Variants in TASP1 observed in about 807,000 individuals in gnomAD.
TASP1 encodes taspase 1.
Under a neutral mutation model 56.6 loss-of-function variants are expected in TASP1, and 16 were observed. That is an observed-to-expected ratio of 0.28 (90% CI 0.19 to 0.43). TASP1 has a LOEUF of 0.43. Among genes scored for constraint, TASP1 ranks in the 20% least tolerant of loss-of-function variants. TASP1 has a pLI of 1.00. For synonymous variants in TASP1, 179 were observed against 184.2 expected (o/e 0.97, Z 0.23); for missense variants, 393 against 511.6 (o/e 0.77, Z 2.24).
intron 12 of TASP1, among the ~76,000 whole-genome samples, chr20:13,424,162 GT>G (rs1009422308): frequency 6.6e-6 from 1 of 151,958 alleles, no homozygotes; most frequent in Non-Finnish European, 1.5e-5. Flanking sequence ...ATCATTATAA[GT>G]TTTTTTTAAA....
At chr20:13,352,540 T>A in the TASP1 span, among the ~76,000 whole-genome samples, 1 of 152,196 alleles carries the variant, frequency 6.6e-6, no homozygotes, top group East Asian at 1.9e-4. Flanking sequence ...TCAAGTAAAT[T>A]TATATTCCTT....
At chr20:13,323,476 T>G in the TASP1 span, among the ~76,000 whole-genome samples, 1 of 152,310 alleles carries the variant, frequency 6.6e-6, no homozygotes, top group Admixed American at 6.5e-5. Flanking sequence ...CCTTTCCCAA[T>G]GTAACTTATA....
chr20:13,502,474 T>C (rs1601024945), intron 10 of TASP1, among the ~76,000 whole-genome samples: 1 of 152,242 alleles, frequency 6.6e-6, no homozygotes, highest in Non-Finnish European at 1.5e-5. Flanking sequence ...CTATACAACA[T>C]ATGATACCAT....
At chr20:13,380,888 C>T in the TASP1 span, among the ~76,000 whole-genome samples, 39 of 152,258 alleles carry the variant, frequency 2.6e-4, no homozygotes, top group South Asian at 6.2e-4. Flanking sequence ...AGGGGAAAAC[C>T]GCCTACTCAA....
Position 13,636,806 on chromosome 20 carries a change from C to T in TASP1, c.-75+2088G>A, listed in dbSNP as rs190201672. Among the ~76,000 whole-genome samples, 426 of 152,226 alleles carry T rather than the reference C, an allele frequency of 2.8e-3. 2 individuals carry two copies. Among genetic ancestry groups the T allele is most frequent in the Admixed American group, 4.5e-3 (69 of 15,284 alleles). ...GTCCTTTCATCAAATGATGCTAGAA[C>T]TGGATAGCCACATGCAATAGAATGA... On this transcript the variant is annotated intron_variant, in intron 1 of 13. Transcript: ENST00000337743.
chr20:13,342,849 A>G, the TASP1 span, among the ~76,000 whole-genome samples: 2 of 152,026 alleles, frequency 1.3e-5, no homozygotes, highest in Non-Finnish European at 2.9e-5. Flanking sequence ...TGTGTAGAGG[A>G]TGGGTCCTTA....
At chr20:13,331,785 C>T in the TASP1 span, among the ~76,000 whole-genome samples, 1 of 151,588 alleles carries the variant, frequency 6.6e-6, no homozygotes, top group African/African-American at 2.4e-5. Context: ...ACTTTACTCC[C>T]TTCTTTATTT....
intron 13 of TASP1, among the ~76,000 whole-genome samples, chr20:13,411,927 G>A (rs942338588): frequency 2.0e-5 from 3 of 152,196 alleles, no homozygotes; most frequent in African/African-American, 7.2e-5. Flanking sequence ...GAGCAGGAGA[G>A]GTTTTTTAAA....
At chr20:13,407,498 T>C (rs188533190) in intron 13 of TASP1, among the ~76,000 whole-genome samples, 1 of 152,350 alleles carries the variant, frequency 6.6e-6, no homozygotes, top group African/African-American at 2.4e-5. Flanking sequence ...TTGGATTGTT[T>C]CTTCTTTTTT....
At chr20:13,596,110 C>A (rs1382148481) in intron 4 of TASP1, among the ~76,000 whole-genome samples, 1 of 152,146 alleles carries the variant, frequency 6.6e-6, no homozygotes, top group Non-Finnish European at 1.5e-5. Context: ...CAGTCGCTCA[C>A]GCCTGTAATC....
At chr20:13,150,883 G>A in the TASP1 span, among the ~76,000 whole-genome samples, 9 of 151,976 alleles carry the variant, frequency 5.9e-5, no homozygotes, top group South Asian at 4.2e-4. Context: ...CTTATCCTTC[G>A]GATCTTTGTT....
chr20:13,357,877 A>G, the TASP1 span, among the ~76,000 whole-genome samples: 1 of 152,212 alleles, frequency 6.6e-6, no homozygotes, highest in African/African-American at 2.4e-5. Context: ...ACTAGAATGA[A>G]TATGTCAGGC....
At chr20:13,534,959 G>A (rs974372703) in intron 8 of TASP1, among the ~76,000 whole-genome samples, 1 of 152,114 alleles carries the variant, frequency 6.6e-6, no homozygotes, top group Non-Finnish European at 1.5e-5. Flanking sequence ...ATATTAAAAA[G>A]GGGGGTTACG....
the TASP1 span, chr20:13,239,211 T>C: frequency 6.6e-6 from 1 of 152,222 alleles, no homozygotes; most frequent in Non-Finnish European, 1.5e-5. Context: ...GGAAAAAATC[T>C]GTGGCAGACT....
At chr20:13,435,364 T>C (rs2042965427) in intron 11 of TASP1, among the ~76,000 whole-genome samples, 3 of 152,146 alleles carry the variant, frequency 2.0e-5, no homozygotes, top group Non-Finnish European at 4.4e-5. Flanking sequence ...TGCCACATGC[T>C]GTCAAGAAGA....
chr20:13,246,166 G>A, the TASP1 span, among the ~76,000 whole-genome samples: 2 of 152,032 alleles, frequency 1.3e-5, no homozygotes, highest in South Asian at 2.1e-4. Flanking sequence ...CCAGCTACTC[G>A]GGAGGCTGAG....
chr20:13,315,903 CA>C, the TASP1 span, among the ~76,000 whole-genome samples: 1 of 151,958 alleles, frequency 6.6e-6, no homozygotes, highest in East Asian at 1.9e-4. Flanking sequence ...ACACATGGGT[CA>C]AAGAAAACAT....
the TASP1 span, among the ~76,000 whole-genome samples, chr20:13,206,781 G>A: frequency 1.3e-3 from 201 of 152,280 alleles, no homozygotes; most frequent in Non-Finnish European, 2.5e-3. Context: ...ACCATTTCTC[G>A]GCCAGAATTC....
the TASP1 span, among the ~76,000 whole-genome samples, chr20:13,180,619 T>C: frequency 6.6e-6 from 1 of 152,134 alleles, no homozygotes; most frequent in African/African-American, 2.4e-5. Flanking sequence ...AGCTCTTCAA[T>C]GTTAAAGATG....
Sources: gnomAD v4.1 joint callset for allele counts (sites outside exome capture counted in the v4.1 genomes callset) on GRCh38, gnomAD v4.1.1 for gene constraint, MANE v1.5 for transcripts, NCBI Gene and HGNC (gene_info 2026-07-23, HGNC 2026-07-21) for gene names.